ENTREP1: variants seen among roughly 807,000 people sequenced by gnomAD.
ENTREP1 encodes Friedreich ataxia region gene X123.
chr9:69,360,350 A>T, the ENTREP1 span, among the ~76,000 whole-genome samples: 2 of 152,012 alleles, frequency 1.3e-5, no homozygotes, highest in African/African-American at 4.8e-5. Flanking sequence ...TCTCTGTTAC[A>T]TTTCGCCCCT....
chr9:69,388,504 C>A, the ENTREP1 span: 2 of 1,359,386 alleles, frequency 1.5e-6, no homozygotes, highest in Non-Finnish European at 2.0e-6. Flanking sequence ...TTCATAGCAG[C>A]TAAAGTGGCT....
the ENTREP1 span, among the ~76,000 whole-genome samples, chr9:69,367,778 TATATATACACACATATATATAA>T: frequency 1.1e-5 from 1 of 93,640 alleles, no homozygotes; most frequent in African/African-American, 4.3e-5. Context: ...TATATATAAA[TATATATACACACATATATATAA>T]ATATATATAC....
chr9:69,335,935 G>T, the ENTREP1 span, among the ~76,000 whole-genome samples: 1 of 89,530 alleles, frequency 1.1e-5, no homozygotes, highest in Non-Finnish European at 2.5e-5. Context: ...AGTGAGGCAT[G>T]ATCGTGCTAT....
chr9:69,355,346 A>G, the ENTREP1 span, among the ~76,000 whole-genome samples: 1 of 152,282 alleles, frequency 6.6e-6, no homozygotes, highest in East Asian at 1.9e-4. Context: ...ATATATAGAA[A>G]TGGACTCTCA....
the ENTREP1 span, among the ~76,000 whole-genome samples, chr9:69,376,699 T>G: frequency 6.6e-6 from 1 of 152,208 alleles, no homozygotes; most frequent in Non-Finnish European, 1.5e-5. Context: ...CTGCTTTCCA[T>G]GGCTTCTGCA....
At chr9:69,365,132 T>C in the ENTREP1 span, among the ~76,000 whole-genome samples, 1 of 152,178 alleles carries the variant, frequency 6.6e-6, no homozygotes, top group Non-Finnish European at 1.5e-5. Flanking sequence ...ATTGCAAGTG[T>C]TCAGTTAGCT....
chr9:69,390,406 C>T, the ENTREP1 span, among the ~76,000 whole-genome samples: 2 of 151,992 alleles, frequency 1.3e-5, no homozygotes, highest in East Asian at 3.9e-4. Flanking sequence ...AAAAATTGAC[C>T]GGACAGTTCT....
chr9:69,391,684 C>T, the ENTREP1 span: 1 of 1,614,142 alleles, frequency 6.2e-7, no homozygotes, highest in African/African-American at 1.3e-5. Flanking sequence ...ACCTCCAGAG[C>T]TGCGGCGACC....
At chr9:69,389,184 T>C in the ENTREP1 span, among the ~76,000 whole-genome samples, 1 of 152,150 alleles carries the variant, frequency 6.6e-6, no homozygotes, top group African/African-American at 2.4e-5. Context: ...TTGCTGCAGG[T>C]AGTGGGGTGG....
At chr9:69,325,283 C>G in the ENTREP1 span, 16 of 32,506 alleles carry the variant, frequency 4.9e-4, no homozygotes, top group African/African-American at 2.3e-3. Context: ...GCCGGCCGCA[C>G]CCGGCCGCAC....
the ENTREP1 span, among the ~76,000 whole-genome samples, chr9:69,378,036 T>G: frequency 6.6e-6 from 1 of 152,212 alleles, no homozygotes; most frequent in Non-Finnish European, 1.5e-5. Flanking sequence ...GTTTTCTGTC[T>G]TACTTTCTCT....
At chr9:69,363,693 T>C in the ENTREP1 span, among the ~76,000 whole-genome samples, 1 of 152,144 alleles carries the variant, frequency 6.6e-6, no homozygotes, top group African/African-American at 2.4e-5. Flanking sequence ...ACCAGGAGAA[T>C]AACTCCTCCA....
chr9:69,383,927 T>A, the ENTREP1 span: 1 of 1,607,602 alleles, frequency 6.2e-7, no homozygotes, highest in Non-Finnish European at 8.5e-7. Flanking sequence ...AAAATAACCC[T>A]GTTTTTTGCT....
chr9:69,332,488 T>C, the ENTREP1 span, among the ~76,000 whole-genome samples: 1 of 152,240 alleles, frequency 6.6e-6, no homozygotes, highest in African/African-American at 2.4e-5. Context: ...TCATTTAATA[T>C]TGCGCAATAA....
At chr9:69,371,737 G>T in the ENTREP1 span, 3 of 674,190 alleles carry the variant, frequency 4.4e-6, no homozygotes, top group East Asian at 7.8e-5. Flanking sequence ...GTAAAGGGAA[G>T]TGGGAAAACA....
the ENTREP1 span, among the ~76,000 whole-genome samples, chr9:69,340,654 TGTGTGTGTGTGC>T: frequency 9.4e-3 from 1,018 of 108,800 alleles, 11 homozygotes; most frequent in Non-Finnish European, 0.013. Context: ...TGTGTGTGCA[TGTGTGTGTGTGC>T]GTGTGTGTGT....
At chr9:69,361,601 A>G in the ENTREP1 span, among the ~76,000 whole-genome samples, 8 of 152,074 alleles carry the variant, frequency 5.3e-5, no homozygotes, top group Non-Finnish European at 4.4e-5. Context: ...ATTCTTGTCT[A>G]TGTTTTTTTG....
chr9:69,384,020 C>T, the ENTREP1 span: 19,966 of 1,604,068 alleles, frequency 0.012, 158 homozygotes, highest in South Asian at 0.025. Flanking sequence ...ACACAAGTGA[C>T]TCAAGGTAAT....
At chr9:69,351,040 A>G in the ENTREP1 span, among the ~76,000 whole-genome samples, 360 of 152,298 alleles carry the variant, frequency 2.4e-3, 3 homozygotes, top group African/African-American at 7.5e-3. Context: ...GTAATCTTAG[A>G]AGAAGATTGC....
Sources: allele counts gnomAD v4.1 joint callset (sites outside exome capture counted in the v4.1 genomes callset), GRCh38; gene constraint gnomAD v4.1.1; transcripts MANE v1.5; gene names NCBI Gene and HGNC (gene_info 2026-07-23, HGNC 2026-07-21).